ACOX1: variants seen among roughly 807,000 people sequenced by gnomAD.
ACOX1 encodes acyl-CoA oxidase 1.
ACOX1 carries 41 observed loss-of-function variants against 75.5 expected under a neutral mutation model. The ratio of observed to expected loss-of-function variants is 0.54; its 90% CI spans 0.42 to 0.70. The LOEUF (loss-of-function observed/expected upper bound fraction) is 0.70. Ranked by LOEUF, ACOX1 falls within the 30% of genes least tolerant of loss-of-function variation. ACOX1 has a pLI of 0.00. For missense variants in ACOX1, 630 were observed against 837.5 expected (o/e 0.75, Z 3.06); for synonymous variants, 303 against 298.8 (o/e 1.01, Z -0.15).
chr17:75,949,820 G>C lies in ACOX1; in HGVS notation c.1376C>G (p.Pro459Arg), dbSNP rs750974688. The change falls in exon 10 of 14, where the codon CCC (proline) becomes CGC (arginine). Residue 459 changes from proline to arginine, a missense_variant. Physicochemically the swap from Pro to Arg is moderately radical, Grantham distance 103. Transcript: ENST00000293217. ...CGMVSYLNDL[P>R]SQRIQPQQVA... ...CTGCTGTGGCTGGATGCGCTGACTG[G>C]GCAGGTCGTTCAAATAGGACACCAT... is the stretch of plus-strand genomic sequence containing the variant. 6.2e-7 allele frequency: 1 copy of C among 1,614,164 alleles called. No individual in the cohort carries two copies. Among genetic ancestry groups the C allele is most frequent in the Admixed American group, 1.7e-5 (1 of 60,006 alleles).
At chr17:75,959,134 A>C (rs1240991952) in intron 3 of ACOX1, among the ~76,000 whole-genome samples, 4 of 152,236 alleles carry the variant, frequency 2.6e-5, no homozygotes, top group Admixed American at 6.5e-5. Context: ...GGAACCTTTT[A>C]CCAATCTGCT....
Position 75,955,840 on chromosome 17 carries a change from T to C in ACOX1, c.646A>G (p.Lys216Glu). ...GAACAGTTCTTACCTGGCAAAGGCT[T>C]ATGGGTCCCGATTTCACGAATAGGT... ...IVPIREIGTH[K>E]PLPGITVGDI... The change falls in exon 5 of 14, where the codon AAG becomes GAG. Residue 216 changes from lysine to glutamate, a missense_variant. Around this residue, in one of 2 missense-constraint regions of ACOX1, gnomAD observed 390 missense variants for 574.9 expected, o/e 0.68. Coordinates refer to ENST00000293217, the MANE Select transcript of ACOX1 (RefSeq NM_004035.7). 6.2e-7 allele frequency: 1 copy of C among 1,614,166 alleles called. No individual in the cohort carries two copies.
intron 4 of ACOX1, 68 bp from the exon 5 acceptor site, chr17:75,956,015 G>A (rs1289418517): frequency 6.2e-7 from 1 of 1,602,182 alleles, no homozygotes; most frequent in Non-Finnish European, 8.5e-7. Flanking sequence ...GTAGAAAAAA[G>A]AAGAAAGAAT....
At chr17:75,967,187 G>A (rs1300734427) in intron 2 of ACOX1, among the ~76,000 whole-genome samples, 1 of 151,714 alleles carries the variant, frequency 6.6e-6, no homozygotes, top group Non-Finnish European at 1.5e-5. Context: ...GAAAACAGAA[G>A]AGGCCGGGCG....
intron 2 of ACOX1, among the ~76,000 whole-genome samples, chr17:75,966,413 C>T (rs2065932989): frequency 6.6e-6 from 1 of 150,812 alleles, no homozygotes; most frequent in Non-Finnish European, 1.5e-5. Flanking sequence ...GCTGAAATCA[C>T]ACCATTGCAC....
At chr17:75,953,123 G>T in intron 7 of ACOX1, 1 of 306,324 alleles carries the variant, frequency 3.3e-6, no homozygotes, top group South Asian at 3.0e-5. Flanking sequence ...GTAGTAATCA[G>T]AACTTTCAAA....
rs765646940 is a variant in ACOX1 at position 75,951,014 on chromosome 17, C to A, written c.1108-50G>T. ...CAGGACATCTGTGGTGCTGAGAGCC[C>A]GAGAACCAATGAGAAAACACACCCC... is the stretch of plus-strand genomic sequence containing the variant. On this transcript the variant is annotated intron_variant, in intron 8 of 13. Transcript: ENST00000293217. 1.1e-5 allele frequency: 18 copies of A among 1,584,002 alleles called. No individual in the cohort carries two copies. In the Admixed American group the frequency reaches 3.0e-4, roughly 26 times the overall value.
In ACOX1 at chr17:75,943,201, T is replaced by A. The variant is rs900708427; in HGVS notation, c.*3547A>T. 2 of 133,464 alleles carry A rather than the reference T, an allele frequency of 1.5e-5. No individual in the cohort carries two copies. Among genetic ancestry groups the A allele is most frequent in the Non-Finnish European group, 3.1e-5 (2 of 63,934 alleles). 8.3% of individuals were successfully genotyped at this position (133,464 alleles called of 1,614,324 possible). A position where few individuals can be genotyped will look rare whatever the true frequency, so the allele number is the denominator to read the frequency against. ...GAGATCGCACCATTGCATTCCCGCCTGGGAGACTCCATCTCAAAAAAAAAA... is the reference window on the plus strand; with the variant it reads ...GAGATCGCACCATTGCATTCCCGCCAGGGAGACTCCATCTCAAAAAAAAAA... On this transcript the variant is annotated 3_prime_UTR_variant, in exon 14 of 14. Transcript: ENST00000293217.
At chr17:75,968,411 GGGCGACAGA>G (rs2065960090) in intron 2 of ACOX1, among the ~76,000 whole-genome samples, 1 of 124,388 alleles carries the variant, frequency 8.0e-6, no homozygotes, top group South Asian at 2.7e-4. Context: ...ACTCCAGCCT[GGGCGACAGA>G]GCGAGACTCC....
intron 2 of ACOX1, among the ~76,000 whole-genome samples, chr17:75,973,075 T>G (rs956527663): frequency 3.3e-5 from 5 of 152,170 alleles, no homozygotes; most frequent in African/African-American, 4.8e-5. Flanking sequence ...TAACAAAGAA[T>G]TACTGGCAAC....
In ACOX1 at chr17:75,943,649, T is replaced by C. The variant is rs1284597208; in HGVS notation, c.*3099A>G. 1 of 152,234 alleles carries C rather than the reference T, an allele frequency of 6.6e-6. No homozygotes were observed. The highest frequency in any genetic ancestry group is 1.9e-4 in the East Asian group (1 of 5,188). 9.4% of individuals were successfully genotyped at this position (152,234 alleles called of 1,614,324 possible). ...TCAGAAAGCATATGAACACGGTGAA[T>C]GTTGTAATGTTCTGAAGATAAGCTG... is the stretch of plus-strand genomic sequence containing the variant. On this transcript the variant is annotated 3_prime_UTR_variant, in exon 14 of 14. Coordinates refer to ENST00000293217, the MANE Select transcript of ACOX1 (RefSeq NM_004035.7).
At chr17:75,953,767 A>G in intron 6 of ACOX1, 147 bp from the exon 7 acceptor site, 1 of 971,928 alleles carries the variant, frequency 1.0e-6, no homozygotes, top group Non-Finnish European at 1.6e-6. Context: ...CACCCTGACC[A>G]ACTGAATCAG....
intron 2 of ACOX1, among the ~76,000 whole-genome samples, chr17:75,976,897 T>C (rs1428215835): frequency 6.6e-6 from 1 of 150,808 alleles, no homozygotes; most frequent in East Asian, 1.9e-4. Flanking sequence ...AAAGAGAAAA[T>C]GCCCAGGAAT....
At chr17:75,967,369 T>C (rs1202531983) in intron 2 of ACOX1, among the ~76,000 whole-genome samples, 1 of 150,694 alleles carries the variant, frequency 6.6e-6, no homozygotes, top group Non-Finnish European at 1.5e-5. Flanking sequence ...CTCGGGAGGC[T>C]GAGCCAGGAG....
chr17:75,964,201 T>C (rs1204925532), intron 2 of ACOX1, among the ~76,000 whole-genome samples: 1 of 142,968 alleles, frequency 7.0e-6, no homozygotes, highest in Non-Finnish European at 1.5e-5. Context: ...AAAAAAAAAT[T>C]AATAGCGGAA....
At chr17:75,958,749 A>G (rs1409858567) in intron 3 of ACOX1, among the ~76,000 whole-genome samples, 1 of 150,260 alleles carries the variant, frequency 6.7e-6, no homozygotes, top group Non-Finnish European at 1.5e-5. Flanking sequence ...TGGAGCTTGC[A>G]GTGAGCTGAG....
In ACOX1 at chr17:75,951,450, C is replaced by T. The variant is rs1567874415; in HGVS notation, c.1072G>A (p.Gly358Ser). The change falls in exon 8 of 14, where the codon GGC (glycine) becomes AGC (serine). Residue 358 changes from glycine (G) to serine (S), a missense_variant. Physicochemically the swap from Gly to Ser is moderately conservative, Grantham distance 56. Around this residue, in one of 2 missense-constraint regions of ACOX1, gnomAD observed 390 missense variants for 574.9 expected, o/e 0.68. Coordinates refer to ENST00000293217, the MANE Select transcript of ACOX1 (RefSeq NM_004035.7). ...TCACTCAGGTCCCCTTGACCAATGC[C>T]TTCGTTAATCCGGTGATAGGTCTCC... Reference protein sequence around the residue: ...MKETYHRINEGIGQGDLSELP... With the variant: ...MKETYHRINESIGQGDLSELP... The T allele has an allele frequency of 6.2e-7, 1 of 1,614,132 alleles. No individual in the cohort carries two copies. The highest frequency in any genetic ancestry group is 8.5e-7 in the Non-Finnish European group (1 of 1,180,030).
At chr17:75,975,070 AAAAG>A (rs1555619951) in intron 2 of ACOX1, among the ~76,000 whole-genome samples, 1 of 145,210 alleles carries the variant, frequency 6.9e-6, no homozygotes, top group Admixed American at 7.0e-5. Context: ...AAAAAAAAAA[AAAAG>A]AAAGAAAGAA....
At chr17:75,954,685 C>T (rs2065807670) in intron 6 of ACOX1, among the ~76,000 whole-genome samples, 3 of 145,846 alleles carry the variant, frequency 2.1e-5, no homozygotes, top group Non-Finnish European at 4.5e-5. Context: ...GATTCTCCTG[C>T]CTCAGCCTCC....
Sources: gnomAD v4.1 joint callset for allele counts (sites outside exome capture counted in the v4.1 genomes callset) on GRCh38, gnomAD v4.1.1 for gene constraint, gnomAD v4.1.1 regional missense constraint, MANE v1.5 for transcripts, NCBI Gene and HGNC (gene_info 2026-07-23, HGNC 2026-07-21) for gene names.